Variants in DNASE1 observed in about 807,000 individuals in gnomAD.
DNASE1 encodes deoxyribonuclease-1.
A neutral mutation model predicts 33.9 loss-of-function variants in DNASE1; 40 were observed. The ratio of observed to expected loss-of-function variants is 1.18; its 90% CI spans 0.92 to 1.54. The LOEUF (loss-of-function observed/expected upper bound fraction) is 1.54. Among genes scored for constraint, DNASE1 ranks in the 40% most tolerant of loss-of-function variants. The pLI, the probability that DNASE1 is intolerant of heterozygous loss-of-function variation, is 0.00. For synonymous variants in DNASE1, 216 were observed against 160.0 expected, an observed-to-expected ratio of 1.35 and a Z score of -2.64; for missense variants, 518 against 372.6, an observed-to-expected ratio of 1.39 and a Z score of -3.21.
At chr16:3,634,578 T>C (rs1188942774) in intron 1 of DNASE1, among the ~76,000 whole-genome samples, 1 of 152,008 alleles carries the variant, frequency 6.6e-6, no homozygotes, top group East Asian at 1.9e-4. Context: ...GGTGCGATCA[T>C]AGCACACCAC....
At chr16:3,659,011 A>AGAT (rs1374382323), downstream of DNASE1, 29 of 766,902 alleles carry the variant, frequency 3.8e-5, no homozygotes, top group African/African-American at 4.7e-4. Context: ...GATCATTTAT[A>AGAT]GATAATATCA....
In DNASE1 at chr16:3,657,355, C is replaced by A; in HGVS notation, c.704+14C>A. The A allele has an allele frequency of 1.9e-6, 3 of 1,611,446 alleles. No individual in the cohort carries two copies. The highest frequency in any genetic ancestry group is 2.5e-6 in the Non-Finnish European group (3 of 1,179,862). On this transcript the variant is annotated intron_variant, in intron 7 of 8. Coordinates refer to ENST00000246949, the MANE Select transcript of DNASE1 (RefSeq NM_005223.4). ...TGCCTATGACAGGTGAGCAGGGCCT[C>A]GCGCTTAGGGCAGACTGAGGGCACC...
At chr16:3,620,786 A>C (rs2041279758) in intron 1 of DNASE1, among the ~76,000 whole-genome samples, 1 of 147,220 alleles carries the variant, frequency 6.8e-6, no homozygotes, top group Non-Finnish European at 1.5e-5. Flanking sequence ...GGTTTGCCTG[A>C]TTTTTTTTTT....
chr16:3,663,756 G>C (rs1356207656), exon 10 of DNASE1: 5 of 639,072 alleles, frequency 7.8e-6, no homozygotes, highest in Non-Finnish European at 1.3e-5. Flanking sequence ...CTGCCTTCAA[G>C]GCAGAAGCAC....
chr16:3,664,176 C>T lies in DNASE1; in HGVS notation c.*6223C>T, dbSNP rs565679012. 1.7e-3 allele frequency: 2,198 copies of T among 1,319,000 alleles called. 4 individuals are homozygous for T. Among genetic ancestry groups the T allele is most frequent in the Non-Finnish European group, 1.8e-3 (1,800 of 995,134 alleles). 81.7% of individuals were successfully genotyped at this position (1,319,000 alleles called of 1,614,324 possible). A position where few individuals can be genotyped will look rare whatever the true frequency, so the allele number is the denominator to read the frequency against. On this transcript the variant is annotated 3_prime_UTR_variant, in exon 10 of 10. Coordinates refer to the DNASE1 transcript ENST00000407479. ...CCCTGACCCACTGTGCAGCCCTGCC[C>T]GGAGTCTTGGGCAGGTTCACCCAGC...
At chr16:3,635,180 G>C (rs1249399849) in intron 1 of DNASE1, among the ~76,000 whole-genome samples, 2 of 151,980 alleles carry the variant, frequency 1.3e-5, no homozygotes, top group African/African-American at 4.8e-5. Flanking sequence ...AAAGTAGACC[G>C]GGCGTGGTGG....
intron 1 of DNASE1, among the ~76,000 whole-genome samples, chr16:3,619,416 C>T (rs778673164): frequency 3.4e-4 from 51 of 151,556 alleles, no homozygotes; most frequent in Non-Finnish European, 6.2e-4. Flanking sequence ...GGCCGAAGTG[C>T]AGTGGTGTGA....
At chr16:3,644,667 G>A (rs1157902129) in intron 1 of DNASE1, among the ~76,000 whole-genome samples, 2 of 151,656 alleles carry the variant, frequency 1.3e-5, no homozygotes, top group Non-Finnish European at 2.9e-5. Flanking sequence ...CCTAGGAGGT[G>A]GAGGCTGCAG....
downstream of DNASE1, chr16:3,662,452 TG>T: frequency 1.9e-6 from 1 of 536,020 alleles, no homozygotes; most frequent in Non-Finnish European, 3.4e-6. Flanking sequence ...TGACCATGCA[TG>T]GGACGCTCAT....
In DNASE1 at chr16:3,617,326, C is replaced by CAAAAAAAA. The variant is rs56670885; in HGVS notation, c.-1359+5340_-1359+5347dup. 1.8e-3 allele frequency among the ~76,000 whole-genome samples: 104 copies of CAAAAAAAA among 57,708 alleles called. 3 individuals carry two copies. Among genetic ancestry groups the CAAAAAAAA allele is most frequent in the African/African-American group, 4.6e-3 (59 of 12,920 alleles). The allele number at this position is 57,708 out of a possible 152,430, so 37.9% of individuals were successfully genotyped here. ...AGTCAACAAGAGCGAAACTCCATCT[C>CAAAAAAAA]AAAAAAAAAAAAAAAAAAAAAAAAA... On this transcript the variant is annotated intron_variant and NMD_transcript_variant, in intron 1 of 11. Coordinates refer to the DNASE1 transcript ENST00000570769.
intron 7 of DNASE1, 123 bp downstream of exon 7, chr16:3,657,464 C>T (rs1302694225): frequency 2.2e-6 from 3 of 1,370,510 alleles, no homozygotes; most frequent in South Asian, 1.3e-5. Flanking sequence ...TCAGTTGATC[C>T]ACTACAGGGA....
chr16:3,663,296 G>A, exon 10 of DNASE1: 1 of 1,275,230 alleles, frequency 7.8e-7, no homozygotes, highest in Non-Finnish European at 1.1e-6. Flanking sequence ...GCTCCCACAA[G>A]GCTCTTCTCG....
chr16:3,640,848 C>T, upstream of DNASE1: 3 of 398,678 alleles, frequency 7.5e-6, no homozygotes, highest in Non-Finnish European at 8.8e-6. Flanking sequence ...GCCCAGGCAC[C>T]TCCGAAGATC....
intron 1 of DNASE1, among the ~76,000 whole-genome samples, chr16:3,618,459 G>A (rs1430614481): frequency 6.6e-6 from 1 of 152,240 alleles, no homozygotes; most frequent in South Asian, 2.1e-4. Flanking sequence ...GCCAGGCGCG[G>A]TGGCTCACGC....
Position 3,628,000 on chromosome 16 carries a change from A to G in DNASE1, c.-1358-12715A>G, listed in dbSNP as rs529680926. 4.7e-5 allele frequency among the ~76,000 whole-genome samples: 7 copies of G among 150,390 alleles called. No homozygotes were observed. The South Asian group carries it at 1.5e-3, about 32-fold the overall frequency. ...TGCTTCAGTTTACATATGAATCAGT[A>G]GCTCACTTTTGGGAGTATTGACATC... is the stretch of plus-strand genomic sequence containing the variant. On this transcript the variant is annotated intron_variant and NMD_transcript_variant, in intron 1 of 11. Transcript: ENST00000570769.
intron 1 of DNASE1, among the ~76,000 whole-genome samples, chr16:3,632,717 C>T (rs2041737929): frequency 6.6e-6 from 1 of 152,012 alleles, no homozygotes. Context: ...TCCTAAGTAG[C>T]TGAGATTACA....
chr16:3,619,721 G>A (rs538927246), intron 1 of DNASE1, among the ~76,000 whole-genome samples: 75 of 151,430 alleles, frequency 5.0e-4, no homozygotes, highest in Non-Finnish European at 1.5e-4. Flanking sequence ...ATGTTGCCCA[G>A]GATGATCTCA....
At chr16:3,665,195 C>T (rs1396131544) in exon 10 of DNASE1, 1 of 152,234 alleles carries the variant, frequency 6.6e-6, no homozygotes, top group Admixed American at 6.5e-5. Context: ...AATGAAGAGG[C>T]CTGTGTCAGA....
At chr16:3,648,423 G>A (rs541640989) in intron 1 of DNASE1, among the ~76,000 whole-genome samples, 2 of 152,200 alleles carry the variant, frequency 1.3e-5, no homozygotes, top group African/African-American at 2.4e-5. Context: ...TTAGCTGGGC[G>A]TGGTGGCGGG....
Sources: gnomAD v4.1 joint callset for allele counts (sites outside exome capture counted in the v4.1 genomes callset) on GRCh38, gnomAD v4.1.1 for gene constraint, MANE v1.5 for transcripts, NCBI Gene and HGNC (gene_info 2026-07-23, HGNC 2026-07-21) for gene names.